ZC3H8: variants seen among roughly 807,000 people sequenced by gnomAD.
The protein encoded by ZC3H8 is zinc finger CCCH domain-containing protein 8.
Under a neutral mutation model 42.5 loss-of-function variants are expected in ZC3H8, and 27 were observed. The observed-to-expected ratio is 0.64, with a 90% CI of 0.47 to 0.88. The LOEUF (loss-of-function observed/expected upper bound fraction) is 0.88, where lower values mean the gene tolerates loss of function less well. Ranked by LOEUF, ZC3H8 falls within the 40% of genes least tolerant of loss-of-function variation. The pLI, the probability that ZC3H8 is intolerant of heterozygous loss-of-function variation, is 0.00. For synonymous variants in ZC3H8, 101 were observed against 110.1 expected (o/e 0.92, Z 0.52); for missense variants, 277 against 336.1 (o/e 0.82, Z 1.37).
intron 8 of ZC3H8, among the ~76,000 whole-genome samples, chr2:112,230,502 T>C (rs1685042886): frequency 1.3e-5 from 2 of 152,100 alleles, no homozygotes. Context: ...AAATGTTATA[T>C]AGGAGTAAAA....
chr2:112,228,470 C>T (rs1381164898), intron 8 of ZC3H8, among the ~76,000 whole-genome samples: 1 of 151,186 alleles, frequency 6.6e-6, no homozygotes, highest in Non-Finnish European at 1.5e-5. Flanking sequence ...CCACTGCACT[C>T]CAGTCTGGCA....
At chr2:112,224,637 A>G (rs1684736584) in intron 8 of ZC3H8, among the ~76,000 whole-genome samples, 1 of 152,212 alleles carries the variant, frequency 6.6e-6, no homozygotes, top group African/African-American at 2.4e-5. Flanking sequence ...AAAGAACACA[A>G]TTCAGCAATA....
intron 3 of ZC3H8, 36 bp downstream of exon 3, chr2:112,238,279 G>C (rs760482206): frequency 6.3e-7 from 1 of 1,595,522 alleles, no homozygotes; most frequent in Non-Finnish European, 8.5e-7. Flanking sequence ...TGCTTCTCTA[G>C]ATAAACTTTA....
At chr2:112,221,821 T>C (rs974171995) in intron 8 of ZC3H8, among the ~76,000 whole-genome samples, 2 of 152,188 alleles carry the variant, frequency 1.3e-5, no homozygotes, top group African/African-American at 4.8e-5. Flanking sequence ...CTGTATGTCA[T>C]TGATCTTTGT....
chr2:112,249,391 C>A (rs928732282), intron 2 of ZC3H8, among the ~76,000 whole-genome samples: 19 of 152,184 alleles, frequency 1.2e-4, no homozygotes, highest in African/African-American at 2.4e-5. Context: ...ACACCTTGTG[C>A]TGGGACCTCC....
intron 8 of ZC3H8, among the ~76,000 whole-genome samples, chr2:112,218,685 G>A (rs1684441009): frequency 6.6e-6 from 1 of 152,184 alleles, no homozygotes; most frequent in African/African-American, 2.4e-5. Context: ...AACATAGAGA[G>A]AGAGAGAGTC....
intron 8 of ZC3H8, among the ~76,000 whole-genome samples, chr2:112,224,045 A>G (rs965471280): frequency 6.6e-6 from 1 of 152,156 alleles, no homozygotes; most frequent in African/African-American, 2.4e-5. Context: ...AGGCTGAGGC[A>G]GGAGAATCGC....
chr2:112,233,727 G>A (rs1391718149), intron 5 of ZC3H8, among the ~76,000 whole-genome samples: 1 of 152,078 alleles, frequency 6.6e-6, no homozygotes, highest in African/African-American at 2.4e-5. Flanking sequence ...AAATTAGCTG[G>A]GTGTGGTGGC....
At chr2:112,247,476 G>A (rs1375423012) in intron 2 of ZC3H8, among the ~76,000 whole-genome samples, 3 of 152,220 alleles carry the variant, frequency 2.0e-5, no homozygotes, top group Admixed American at 2.0e-4. Context: ...CTACTCGGGA[G>A]GCTGAGGCAG....
intron 5 of ZC3H8, 117 bp downstream of exon 5, chr2:112,233,999 TCTAA>T: frequency 1.7e-6 from 1 of 602,592 alleles, no homozygotes; most frequent in Admixed American, 4.0e-5. Flanking sequence ...ACTAAAATTT[TCTAA>T]CTGATTTTTT....
intron 6 of ZC3H8, among the ~76,000 whole-genome samples, chr2:112,232,446 T>TTTC (rs1398422589): frequency 5.3e-5 from 8 of 152,176 alleles, no homozygotes; most frequent in Admixed American, 5.2e-4. Flanking sequence ...GTAAATCAAG[T>TTTC]TTCTTGGCTA....
At chr2:112,219,559 C>A (rs1197490423) in intron 8 of ZC3H8, among the ~76,000 whole-genome samples, 1 of 152,168 alleles carries the variant, frequency 6.6e-6, no homozygotes, top group Non-Finnish European at 1.5e-5. Context: ...ACCAGGTTAA[C>A]TTCCATGTAA....
In ZC3H8 at chr2:112,213,984, C is replaced by T. The variant is rs1419038962; in HGVS notation, c.*2500G>A. The T allele has an allele frequency of 1.4e-5, 2 of 139,644 alleles. No individual in the cohort carries two copies. Among genetic ancestry groups the T allele is most frequent in the Admixed American group, 7.4e-5 (1 of 13,514 alleles). The allele number at this position is 139,644 out of a possible 1,614,324, so 8.7% of individuals were successfully genotyped here. Reference sequence around the variant, plus strand: ...TTTTTTTGAGACGGAGTCTCACTGTCGCCCAGGCTGGAGTGCAGTGGTGCG... The same window carrying T: ...TTTTTTTGAGACGGAGTCTCACTGTTGCCCAGGCTGGAGTGCAGTGGTGCG... On this transcript the variant is annotated 3_prime_UTR_variant, in exon 9 of 9. Coordinates refer to ENST00000409573, the MANE Select transcript of ZC3H8 (RefSeq NM_032494.3).
intron 8 of ZC3H8, among the ~76,000 whole-genome samples, chr2:112,217,181 C>T (rs1423296965): frequency 6.6e-6 from 1 of 152,088 alleles, no homozygotes; most frequent in East Asian, 1.9e-4. Flanking sequence ...CCAGCCTGGC[C>T]AACATGGTGA....
intron 7 of ZC3H8, among the ~76,000 whole-genome samples, chr2:112,231,344 C>T (rs1685081002): frequency 6.6e-6 from 1 of 152,140 alleles, no homozygotes; most frequent in African/African-American, 2.4e-5. Context: ...TTTTAAGAGA[C>T]TAGCTCCAAC....
intron 7 of ZC3H8, 70 bp downstream of exon 7, chr2:112,231,768 A>G (rs1685101381): frequency 1.0e-6 from 1 of 954,498 alleles, no homozygotes; most frequent in African/African-American, 1.7e-5. Context: ...TTATCTTCAA[A>G]TTCTCATCCT....
chr2:112,250,339 A>G (rs1463081563), intron 1 of ZC3H8, 67 bp from the exon 2 acceptor site: 7 of 1,119,872 alleles, frequency 6.3e-6, no homozygotes. Context: ...CCACAGCGTT[A>G]CAATTCACTG....
At chr2:112,250,072 A>G in intron 2 of ZC3H8, 119 bp downstream of exon 2, 35 of 594,768 alleles carry the variant, frequency 5.9e-5, no homozygotes, top group Non-Finnish European at 8.9e-5. Flanking sequence ...GACAAGTAGG[A>G]TCCTTCATTA....
intron 4 of ZC3H8, among the ~76,000 whole-genome samples, chr2:112,234,714 C>T (rs866041056): frequency 6.6e-5 from 10 of 151,668 alleles, no homozygotes; most frequent in Admixed American, 1.3e-4. Flanking sequence ...GCAGGAGAAT[C>T]GCTTGAACCC....
Sources: allele counts gnomAD v4.1 joint callset (sites outside exome capture counted in the v4.1 genomes callset), GRCh38; gene constraint gnomAD v4.1.1; transcripts MANE v1.5; gene names NCBI Gene and HGNC (gene_info 2026-07-23, HGNC 2026-07-21).